The following PCDHGA4 variants were observed in gnomAD, a reference collection of about 807,000 sequenced individuals.
PCDHGA4 encodes the protein protocadherin gamma subfamily A, 4.
Under a neutral mutation model 54.6 loss-of-function variants are expected in PCDHGA4, and 38 were observed. That is an observed-to-expected ratio of 0.70 (90% CI 0.54 to 0.91). The LOEUF is 0.91. Ranked by LOEUF, PCDHGA4 falls within the 40% of genes least tolerant of loss-of-function variation. The pLI is 0.00. For missense variants in PCDHGA4, 1,298 were observed against 1,220.9 expected (o/e 1.06, Z -0.94); for synonymous variants, 511 against 512.9 (o/e 1.00, Z 0.05).
At chr5:141,454,774 G>A (rs1228452126) in intron 1 of PCDHGA4, among the ~76,000 whole-genome samples, 2 of 144,796 alleles carry the variant, frequency 1.4e-5, no homozygotes, top group African/African-American at 2.6e-5. Context: ...TTTTTACAAG[G>A]AAATAATCCT....
At chr5:141,385,113 G>A (rs541716228) in intron 1 of PCDHGA4, 3 of 1,614,166 alleles carry the variant, frequency 1.9e-6, no homozygotes, top group South Asian at 2.2e-5. Context: ...TGCCCACCTC[G>A]CACTTTGTGG....
chr5:141,393,156 A>G (rs1028021318), intron 1 of PCDHGA4: 7 of 1,613,310 alleles, frequency 4.3e-6, no homozygotes, highest in African/African-American at 1.3e-5. Context: ...GGATAAAGGA[A>G]AACTCTTTGG....
chr5:141,389,524 G>T, intron 1 of PCDHGA4: 1 of 1,613,146 alleles, frequency 6.2e-7, no homozygotes, highest in Non-Finnish European at 8.5e-7. Context: ...GTGAGCCTGC[G>T]CGTGTTAGTG....
At chr5:141,375,743 G>T (rs1306571091) in intron 1 of PCDHGA4, 1 of 1,614,120 alleles carries the variant, frequency 6.2e-7, no homozygotes, top group African/African-American at 1.3e-5. Flanking sequence ...GTTTGTGCTG[G>T]ACCAGAATGA....
At chr5:141,467,110 T>C (rs2099137137) in intron 1 of PCDHGA4, among the ~76,000 whole-genome samples, 1 of 151,604 alleles carries the variant, frequency 6.6e-6, no homozygotes, top group Non-Finnish European at 1.5e-5. Context: ...TGGAGTACAA[T>C]GGTGCAATCT....
chr5:141,371,035 C>T (rs1277378735), intron 1 of PCDHGA4: 1 of 1,614,000 alleles, frequency 6.2e-7, no homozygotes, highest in Non-Finnish European at 8.5e-7. Context: ...GTCCTCACAG[C>T]TGTGGATGGG....
At chr5:141,466,104 AGAGT>A (rs2154569127) in intron 1 of PCDHGA4, among the ~76,000 whole-genome samples, 1 of 152,144 alleles carries the variant, frequency 6.6e-6, no homozygotes, top group Admixed American at 6.5e-5. Flanking sequence ...CCTGGGCAAC[AGAGT>A]GAGACTCCAG....
intron 1 of PCDHGA4, among the ~76,000 whole-genome samples, chr5:141,436,410 G>T (rs2154557099): frequency 6.6e-6 from 1 of 152,200 alleles, no homozygotes; most frequent in East Asian, 1.9e-4. Flanking sequence ...TTGAATGAAT[G>T]GATAAACAAA....
At chr5:141,374,162 G>A in intron 1 of PCDHGA4, 3 of 1,612,514 alleles carry the variant, frequency 1.9e-6, no homozygotes, top group Admixed American at 1.7e-5. Context: ...GTGGGGGGCC[G>A]CGGCAGCGCA....
At chr5:141,380,329 C>G (rs2150159068) in intron 1 of PCDHGA4, among the ~76,000 whole-genome samples, 1 of 152,142 alleles carries the variant, frequency 6.6e-6, no homozygotes, top group Non-Finnish European at 1.5e-5. Flanking sequence ...CTAAATGGAA[C>G]TTCAAAGAAC....
chr5:141,387,122 A>G (rs960154825), intron 1 of PCDHGA4, among the ~76,000 whole-genome samples: 24 of 152,234 alleles, frequency 1.6e-4, no homozygotes, highest in African/African-American at 5.5e-4. Flanking sequence ...CTGTAATGAA[A>G]TCACTGAAAC....
chr5:141,487,595 G>C lies in PCDHGA4; in HGVS notation c.2515-7212G>C. ...TGTTCGCCCAAGCTGCCCACCCTCT[G>C]ATCTTCTCTATGGGCTAGAGGTGAG... On this transcript the variant is annotated intron_variant, in intron 1 of 3. Coordinates refer to ENST00000571252, the MANE Select transcript of PCDHGA4 (RefSeq NM_018917.4). The surrounding 1 kb of genome is among the most constrained non-coding windows in gnomAD (Gnocchi z 5.0). 1 of 1,614,202 alleles carries C rather than the reference G, an allele frequency of 6.2e-7. No homozygotes were observed. The highest frequency in any genetic ancestry group is 8.5e-7 in the Non-Finnish European group (1 of 1,180,038).
rs932721053 is a variant in PCDHGA4 at position 141,398,645 on chromosome 5, C to G, written c.2514+41024C>G. 1.3e-5 allele frequency: 21 copies of G among 1,613,938 alleles called. No homozygotes were observed. In the Admixed American group the frequency reaches 3.3e-4, roughly 26 times the overall value. The stretch of plus-strand genomic sequence containing the variant: ...AACTCTCTGCAGAAGTATAAACTCT[C>G]TCTTAACCCAAGTTTCTCATTAATA... On this transcript the variant is annotated intron_variant, in intron 1 of 3. Coordinates refer to ENST00000571252, the MANE Select transcript of PCDHGA4 (RefSeq NM_018917.4).
At chr5:141,413,355 C>G in intron 1 of PCDHGA4, 1 of 1,613,952 alleles carries the variant, frequency 6.2e-7, no homozygotes, top group Non-Finnish European at 8.5e-7. Context: ...GTCTGGCGCC[C>G]CGGGAGCTGG....
intron 1 of PCDHGA4, chr5:141,388,884 G>A: frequency 1.9e-6 from 3 of 1,614,002 alleles, no homozygotes; most frequent in Non-Finnish European, 2.5e-6. Flanking sequence ...AGTGGAGGTA[G>A]AAGTCATAGA....
chr5:141,476,483 G>T lies in PCDHGA4; in HGVS notation c.2515-18324G>T. On this transcript the variant is annotated intron_variant, in intron 1 of 3. Coordinates refer to ENST00000571252, the MANE Select transcript of PCDHGA4 (RefSeq NM_018917.4). The surrounding 1 kb of genome is among the most constrained non-coding windows in gnomAD (Gnocchi z 7.6). ...CCCGCTGGAGCTGTTCAGCGTGGAA[G>T]TGGTGATCCAGGACATCAACGACAA... 6.2e-7 allele frequency: 1 copy of T among 1,614,166 alleles called. No homozygotes were observed. The highest frequency in any genetic ancestry group is 8.5e-7 in the Non-Finnish European group (1 of 1,180,034).
intron 1 of PCDHGA4, chr5:141,403,720 C>G (rs1266419119): frequency 1.2e-6 from 2 of 1,613,874 alleles, no homozygotes; most frequent in Middle Eastern, 1.6e-4. Context: ...AGAACGTGCC[C>G]CCAGGCACCT....
rs1468210173 is a variant in PCDHGA4 at position 141,512,170 on chromosome 5, A to T, written c.*997A>T. 1 of 152,720 alleles carries T rather than the reference A, an allele frequency of 6.5e-6. No homozygotes were observed. The highest frequency in any genetic ancestry group is 1.5e-5 in the Non-Finnish European group (1 of 68,120). The allele number at this position is 152,720 out of a possible 1,614,324, so 9.5% of individuals were successfully genotyped here. On this transcript the variant is annotated 3_prime_UTR_variant, in exon 4 of 4. Coordinates refer to ENST00000571252, the MANE Select transcript of PCDHGA4 (RefSeq NM_018917.4). ...TGGGCTGAGCTAACAGGACCAATGG[A>T]TTAAACTGGCATTTCAGTCCAAGGA...
At chr5:141,428,102 G>T (rs774075619) in intron 1 of PCDHGA4, 38 of 1,608,516 alleles carry the variant, frequency 2.4e-5, no homozygotes, top group Non-Finnish European at 3.2e-5. Flanking sequence ...CCTACCACGT[G>T]CTGCAGGCCA....
Sources: allele counts gnomAD v4.1 joint callset (sites outside exome capture counted in the v4.1 genomes callset), GRCh38; gene constraint gnomAD v4.1.1; non-coding constraint Gnocchi (gnomAD v3.1); transcripts MANE v1.5; gene names NCBI Gene and HGNC (gene_info 2026-07-23, HGNC 2026-07-21).